The following GLDC variants were observed in gnomAD, a reference collection of about 807,000 sequenced individuals.
GLDC encodes the protein glycine decarboxylase.
In GLDC, 104 loss-of-function variants were observed where a neutral mutation model predicts 121.3. That is an observed-to-expected ratio of 0.86 (90% CI 0.73 to 1.01). The LOEUF (loss-of-function observed/expected upper bound fraction) is 1.01, where lower values mean the gene tolerates loss of function less well. Ranked by LOEUF, GLDC falls within the 50% of genes least tolerant of loss-of-function variation. The probability of loss-of-function intolerance (pLI) is 0.00; values close to 1 mark genes in which losing one functional copy is unlikely to be tolerated. For missense variants in GLDC, 1,429 were observed against 1,306.6 expected, an observed-to-expected ratio of 1.09 and a Z score of -1.44; for synonymous variants, 546 against 480.6, an observed-to-expected ratio of 1.14 and a Z score of -1.78.
chr9:6,629,958 T>TGTGTGTATATATA, intron 2 of GLDC, among the ~76,000 whole-genome samples: 1 of 78,658 alleles, frequency 1.3e-5, no homozygotes, highest in African/African-American at 6.1e-5. Context: ...TATATATATA[T>TGTGTGTATATATA]TTTTTTTTTT....
At chr9:6,535,693 A>T (rs1009167607) in intron 23 of GLDC, among the ~76,000 whole-genome samples, 1 of 152,230 alleles carries the variant, frequency 6.6e-6, no homozygotes, top group African/African-American at 2.4e-5. Flanking sequence ...TCCAAATGTC[A>T]ATCCAGTTTT....
Position 6,533,081 on chromosome 9 carries a change from C to CA in GLDC, c.2998dup (p.Cys1000LeufsTer10). The CA allele has an allele frequency of 6.2e-7, 1 of 1,611,834 alleles. No homozygotes were observed. The highest frequency in any genetic ancestry group is 8.5e-7 in the Non-Finnish European group (1 of 1,177,902). ...ATAAACTTCCATGGGTGGGCAGGTA[C>CA]AAACCAGGTGCTGATCTCCATATAT... On this transcript the variant is annotated frameshift_variant, in exon 25 of 25. Coordinates refer to ENST00000321612, the MANE Select transcript of GLDC (RefSeq NM_000170.3). LOFTEE classifies it high-confidence loss of function.
intron 15 of GLDC, among the ~76,000 whole-genome samples, chr9:6,577,068 G>A (rs930684161): frequency 6.6e-6 from 1 of 152,204 alleles, no homozygotes; most frequent in Non-Finnish European, 1.5e-5. Context: ...AATGACTGCA[G>A]AAAGAACAAA....
At chr9:6,545,425 A>G (rs931188369) in intron 21 of GLDC, among the ~76,000 whole-genome samples, 1 of 152,138 alleles carries the variant, frequency 6.6e-6, no homozygotes, top group Non-Finnish European at 1.5e-5. Flanking sequence ...GACATAAAAC[A>G]TAAAAAATGG....
intron 2 of GLDC, among the ~76,000 whole-genome samples, chr9:6,633,921 C>T (rs940899811): frequency 2.0e-5 from 3 of 147,422 alleles, no homozygotes; most frequent in Admixed American, 1.4e-4. Context: ...GCTGTGCCTC[C>T]CGGGTTCACG....
intron 15 of GLDC, among the ~76,000 whole-genome samples, chr9:6,585,856 G>GTGTC (rs1818259493): frequency 1.0e-5 from 1 of 97,782 alleles, no homozygotes; most frequent in South Asian, 2.9e-4. Context: ...ATGTATGTAT[G>GTGTC]TATGTATGTA....
At chr9:6,564,823 A>C (rs1265247693) in intron 16 of GLDC, among the ~76,000 whole-genome samples, 1 of 152,242 alleles carries the variant, frequency 6.6e-6, no homozygotes, top group Non-Finnish European at 1.5e-5. Context: ...CTCATATCCA[A>C]AGCAAACATT....
rs779434645 is a variant in GLDC at position 6,556,188 on chromosome 9, G to A, written c.2167C>T (p.Gln723Ter). 2 of 1,613,146 alleles carry A rather than the reference G, an allele frequency of 1.2e-6. No homozygotes were observed. The highest frequency in any genetic ancestry group is 1.1e-5 in the South Asian group (1 of 91,046). The part of the protein sequence containing the change: ...VCDLIHQHGG[Q>*]VYLDGANMNA... ...ATATTTGCCCCGTCTAGGTAGACCT[G>A]TCCTCCATGTTGATGGATGAGGTCA... The change falls in exon 18 of 25, where the codon CAG becomes TAG. Residue 723 changes from glutamine (Q) to a stop codon, truncating the protein, a stop_gained. Coordinates refer to ENST00000321612, the MANE Select transcript of GLDC (RefSeq NM_000170.3). LOFTEE classifies it high-confidence loss of function.
At chr9:6,620,104 G>C (rs548248170) in intron 3 of GLDC, 80 bp downstream of exon 3, 1 of 1,416,376 alleles carries the variant, frequency 7.1e-7, no homozygotes, top group Non-Finnish European at 1.0e-6. Flanking sequence ...GAGGCTCTGA[G>C]ACTGCAAGGG....
rs146601036 is a variant in GLDC at position 6,584,837 on chromosome 9, G to A, written c.1850+2304C>T. Among the ~76,000 whole-genome samples the A allele has an allele frequency of 2.4e-3, 370 of 152,314 alleles. 2 individuals are homozygous for A. The highest frequency in any genetic ancestry group is 8.3e-3 in the African/African-American group (343 of 41,564). ...TGGAGAAGACATCATTGCCAGGAAC[G>A]ACATCATGATGAAGATCTCTTACCC... On this transcript the variant is annotated intron_variant, in intron 15 of 24. Transcript: ENST00000321612.
In GLDC at chr9:6,533,118, G is replaced by C. The variant is rs1288008254; in HGVS notation, c.2962C>G (p.Arg988Gly). 2 of 1,612,128 alleles carry C rather than the reference G, an allele frequency of 1.2e-6. No homozygotes were observed. Among genetic ancestry groups the C allele is most frequent in the Admixed American group, 1.7e-5 (1 of 59,976 alleles). The change falls in exon 25 of 25, where the codon CGG becomes GGG. Residue 988 changes from arginine to glycine, a missense_variant. By Grantham distance (125) the Arg-to-Gly change is moderately radical. Coordinates refer to ENST00000321612, the MANE Select transcript of GLDC (RefSeq NM_000170.3). ...PENKFWPTIA[R>G]IDDIYGDQHL... ...TGATCTCCATATATGTCATCAATCC[G>C]GGCAATCGTTGGCCAGAATTTGTTC...
At chr9:6,632,805 T>C (rs1018426322) in intron 2 of GLDC, among the ~76,000 whole-genome samples, 1 of 152,136 alleles carries the variant, frequency 6.6e-6, no homozygotes, top group African/African-American at 2.4e-5. Flanking sequence ...CTTGAAGTCC[T>C]CCCCTCGGCT....
chr9:6,575,413 C>A (rs868741068), intron 15 of GLDC, among the ~76,000 whole-genome samples: 30 of 152,168 alleles, frequency 2.0e-4, no homozygotes, highest in African/African-American at 7.0e-4. Context: ...AACGAGCTGC[C>A]TCAGCATCAC....
chr9:6,533,430 G>A (rs571284080), intron 24 of GLDC, among the ~76,000 whole-genome samples: 1 of 152,322 alleles, frequency 6.6e-6, no homozygotes, highest in East Asian at 1.9e-4. Context: ...GACTTCAACT[G>A]CTTAAAGAAG....
At chr9:6,600,727 C>T (rs1818592447) in intron 8 of GLDC, among the ~76,000 whole-genome samples, 1 of 151,978 alleles carries the variant, frequency 6.6e-6, no homozygotes, top group Admixed American at 6.6e-5. Flanking sequence ...TAGAATGGAT[C>T]CTGTGCTCAG....
intron 2 of GLDC, chr9:6,622,799 G>A (rs1819136966): frequency 4.4e-6 from 1 of 228,582 alleles, no homozygotes; most frequent in South Asian, 4.6e-5. Flanking sequence ...GAAGTGAGGA[G>A]CGCCTCTTCC....
At chr9:6,541,106 T>A (rs1037033705) in intron 21 of GLDC, 21 of 152,098 alleles carry the variant, frequency 1.4e-4, no homozygotes, top group Admixed American at 1.2e-3. Context: ...AAAATAAATA[T>A]AAATTTTTAG....
Position 6,604,788 on chromosome 9 carries a change from G to T in GLDC, c.862-4C>A, listed in dbSNP as rs768905756. ...CAGTAGCACAGCAGGCCAGGCTCTA[G>T]AAAGGAAGTGAGAGAAAAGGAACAA... On this transcript the variant is annotated splice_region_variant and splice_polypyrimidine_tract_variant and intron_variant, in intron 6 of 24. Coordinates refer to ENST00000321612, the MANE Select transcript of GLDC (RefSeq NM_000170.3). 9.3e-6 allele frequency: 15 copies of T among 1,612,264 alleles called. No homozygotes were observed. Among genetic ancestry groups the T allele is most frequent in the Middle Eastern group, 3.3e-4 (2 of 6,074 alleles).
intron 2 of GLDC, among the ~76,000 whole-genome samples, chr9:6,637,865 CTTTTT>C (rs541539758): frequency 0.016 from 2,313 of 146,018 alleles, 43 homozygotes; most frequent in African/African-American, 0.054. Flanking sequence ...TTTTTTTTTA[CTTTTT>C]TTTTTTCAAA....
Sources: allele counts gnomAD v4.1 joint callset (sites outside exome capture counted in the v4.1 genomes callset), GRCh38; gene constraint gnomAD v4.1.1; transcripts MANE v1.5; gene names NCBI Gene and HGNC (gene_info 2026-07-23, HGNC 2026-07-21).